Variants in CFAP47 observed in about 807,000 individuals in gnomAD.
CFAP47 encodes cilia- and flagella-associated protein 47.
Under a neutral mutation model 148.1 loss-of-function variants are expected in CFAP47, and 29 were observed. That is an observed-to-expected ratio of 0.20 (90% CI 0.15 to 0.27). The LOEUF is 0.27. Ranked by LOEUF, CFAP47 falls within the 10% of genes least tolerant of loss-of-function variation. The pLI is 1.00. For synonymous variants in CFAP47, 664 were observed against 577.3 expected, an observed-to-expected ratio of 1.15 and a Z score of -2.15; for missense variants, 1,872 against 1,697.5, an observed-to-expected ratio of 1.10 and a Z score of -1.81.
At chrX:36,084,482 C>T (rs925178040) in intron 29 of CFAP47, among the ~76,000 whole-genome samples, 3 of 111,284 alleles carry the variant, frequency 2.7e-5, no homozygotes, top group East Asian at 2.8e-4. Flanking sequence ...CCCAGTGGAA[C>T]GTATTTTCTT....
intron 29 of CFAP47, among the ~76,000 whole-genome samples, chrX:36,080,836 G>A (rs946449223): frequency 9.0e-6 from 1 of 111,307 alleles, no homozygotes; most frequent in South Asian, 3.7e-4. Context: ...TGTAAATGAC[G>A]AATTAATGGG....
intron 26 of CFAP47, among the ~76,000 whole-genome samples, chrX:36,053,475 T>A (rs1415316020): frequency 9.0e-6 from 1 of 111,639 alleles, no homozygotes; most frequent in Non-Finnish European, 1.9e-5. Flanking sequence ...CATAATACCA[T>A]ACACTTGTCC....
rs749310727 is a variant in CFAP47 at position 36,085,359 on chromosome X, A to G, written c.4737A>G (p.Gln1579=). 1 of 1,208,130 alleles carries G rather than the reference A, an allele frequency of 8.3e-7. No homozygotes were observed. The highest frequency in any genetic ancestry group is 1.1e-6 in the Non-Finnish European group (1 of 892,959). ...TCTACTCATCAACCTCGCCACCCCA[A>G]AAGTTTTCCAGACAGAATGACTTTT... ...MQFYSSTSPP[Q]KFSRQNDFSK... The change falls in exon 30 of 64, where the codon CAA becomes CAG. Residue 1579 remains glutamine, a synonymous_variant. Coordinates refer to ENST00000378653, the MANE Select transcript of CFAP47 (RefSeq NM_001304548.2).
chrX:36,367,745 T>G (rs1178490112), intron 62 of CFAP47, among the ~76,000 whole-genome samples: 1 of 111,629 alleles, frequency 9.0e-6, no homozygotes, highest in African/African-American at 3.2e-5. Flanking sequence ...TCAAACCCTT[T>G]TGCAGTCAAC....
At position 36,364,438 on chromosome X, in the gene CFAP47, T is replaced by TAATA. The variant is rs56972655; in HGVS notation, c.9024-2489_9024-2486dup. 5.8e-3 allele frequency among the ~76,000 whole-genome samples: 573 copies of TAATA among 99,121 alleles called. 5 individuals carry two copies. The highest frequency in any genetic ancestry group is 0.021 in the Middle Eastern group (4 of 190). The allele number at this position is 99,121 out of a possible 115,157, so 86.1% of individuals were successfully genotyped here. The stretch of plus-strand genomic sequence containing the variant: ...CAAGAAAGTAAATTTCAGATTGTCC[T>TAATA]AATAAATAAATAAATAAATAAATAA... On this transcript the variant is annotated intron_variant, in intron 61 of 63. Transcript: ENST00000378653.
At chrX:36,348,938 T>G (rs2146983956) in intron 58 of CFAP47, among the ~76,000 whole-genome samples, 1 of 111,979 alleles carries the variant, frequency 8.9e-6, no homozygotes, top group Admixed American at 9.5e-5. Flanking sequence ...CATATTTCTT[T>G]CCTTCATTTT....
intron 63 of CFAP47, chrX:36,379,756 T>C (rs929328218): frequency 1.1e-4 from 34 of 296,832 alleles, no homozygotes; most frequent in African/African-American, 9.2e-4. Context: ...AAAAAAATAC[T>C]TTCCTTCCAT....
chrX:36,298,878 C>T, intron 51 of CFAP47, 99 bp from the exon 52 acceptor site: 1 of 488,297 alleles, frequency 2.0e-6, no homozygotes, highest in South Asian at 4.0e-5. Flanking sequence ...AAACAAATGG[C>T]CTTATATTAT....
chrX:36,362,258 C>G (rs973707794), intron 61 of CFAP47, among the ~76,000 whole-genome samples: 1 of 112,275 alleles, frequency 8.9e-6, no homozygotes, highest in Admixed American at 9.5e-5. Flanking sequence ...AGGTTTTTTA[C>G]ATGGGTATGT....
chrX:36,289,224 TC>T (rs1200043820), intron 51 of CFAP47, among the ~76,000 whole-genome samples: 3 of 109,820 alleles, frequency 2.7e-5, no homozygotes, highest in African/African-American at 9.9e-5. Flanking sequence ...GGTCTTGAAC[TC>T]CCGACCTCAG....
chrX:36,343,121 G>A (rs782047674), intron 57 of CFAP47, among the ~76,000 whole-genome samples: 7 of 111,473 alleles, frequency 6.3e-5, no homozygotes, highest in Non-Finnish European at 3.8e-5. Flanking sequence ...CTTCATCCAC[G>A]TCCCTGCAAA....
chrX:35,927,654 A>AT (rs764206104), intron 2 of CFAP47, among the ~76,000 whole-genome samples: 2 of 109,119 alleles, frequency 1.8e-5, no homozygotes, highest in African/African-American at 6.7e-5. Flanking sequence ...ATTTCTACAC[A>AT]TTTTTTATCA....
In CFAP47 at chrX:36,269,723, G is replaced by A. The variant is rs1940935882; in HGVS notation, c.7445-10764G>A. Among the ~76,000 whole-genome samples, 7 of 111,984 alleles carry A rather than the reference G, an allele frequency of 6.3e-5. No homozygotes were observed. In the Admixed American group the frequency reaches 6.6e-4, roughly 11 times the overall value. ...TAGATTTTGAGAAATTTTAACGCAT[G>A]TATACGCCTATGAAGCCATTGAGAT... On this transcript the variant is annotated intron_variant, in intron 49 of 63. Coordinates refer to ENST00000378653, the MANE Select transcript of CFAP47 (RefSeq NM_001304548.2).
Position 36,163,989 on chromosome X carries a change from T to C in CFAP47, c.6026+3220T>C, listed in dbSNP as rs1187955949. Among the ~76,000 whole-genome samples the C allele has an allele frequency of 1.2e-4, 13 of 112,253 alleles. No homozygotes were observed. In the East Asian group the frequency reaches 2.2e-3, roughly 19 times the overall value. ...CGGAGTATGTTGTTTAATTTCCCCA[T>C]GTTTGTTAATTTTCAACTTTTCTGT... On this transcript the variant is annotated intron_variant, in intron 39 of 63. Coordinates refer to ENST00000378653, the MANE Select transcript of CFAP47 (RefSeq NM_001304548.2).
chrX:35,939,974 C>A (rs1171212676), intron 2 of CFAP47, among the ~76,000 whole-genome samples: 5 of 108,592 alleles, frequency 4.6e-5, no homozygotes, highest in Non-Finnish European at 9.6e-5. Context: ...CTGACTTTTT[C>A]ATGATCGCCA....
Position 36,138,390 on chromosome X carries a change from C to T in CFAP47, c.5461C>T (p.Pro1821Ser). The part of the protein sequence containing the change: ...FINMYTRPKS[P>S]EEYLHNCLII... ...AAATATGTACACACGACCAAAAAGT[C>T]CTGAAGAGTATCTGCACAATTGCCT... The change falls in exon 35 of 64, where the codon CCT becomes TCT. Residue 1821 changes from proline (P) to serine (S), a missense_variant. Coordinates refer to ENST00000378653, the MANE Select transcript of CFAP47 (RefSeq NM_001304548.2). 8.6e-7 allele frequency: 1 copy of T among 1,161,977 alleles called. No homozygotes were observed. The highest frequency in any genetic ancestry group is 1.1e-6 in the Non-Finnish European group (1 of 875,642).
chrX:36,378,572 T>C (rs1275885562), intron 62 of CFAP47, among the ~76,000 whole-genome samples: 1 of 112,153 alleles, frequency 8.9e-6, no homozygotes. Flanking sequence ...GGAGTTTCGC[T>C]CTTGTTGCCC....
intron 56 of CFAP47, among the ~76,000 whole-genome samples, chrX:36,317,048 A>G (rs781928942): frequency 8.9e-6 from 1 of 112,023 alleles, no homozygotes; most frequent in East Asian, 2.8e-4. Context: ...TGGCCTCCCA[A>G]ATTTCTGGGC....
intron 25 of CFAP47, 147 bp downstream of exon 25, chrX:36,039,326 A>T: frequency 6.4e-6 from 2 of 314,494 alleles, no homozygotes; most frequent in East Asian, 1.0e-4. Flanking sequence ...ATTTAACAAA[A>T]AAACCAAAAA....
Sources: gnomAD v4.1 joint callset for allele counts (sites outside exome capture counted in the v4.1 genomes callset) on GRCh38, gnomAD v4.1.1 for gene constraint, MANE v1.5 for transcripts, NCBI Gene and HGNC (gene_info 2026-07-23, HGNC 2026-07-21) for gene names.